The following DLG2 variants were observed in gnomAD, a reference collection of about 807,000 sequenced individuals.
DLG2 encodes discs large MAGUK scaffold protein 2, also known as disks large homolog 2.
Under a neutral mutation model 132.5 loss-of-function variants are expected in DLG2, and 45 were observed. The observed-to-expected ratio is 0.34, with a 90% confidence interval of 0.27 to 0.44. The LOEUF is 0.44. Among genes scored for constraint, DLG2 ranks in the 20% least tolerant of loss-of-function variants. The pLI, the probability that DLG2 is intolerant of heterozygous loss-of-function variation, is 1.00. For missense variants in DLG2, 1,045 were observed against 1,196.9 expected (o/e 0.87, Z 1.87); for synonymous variants, 424 against 419.6 (o/e 1.01, Z -0.13).
chr11:83,832,747 T>C (rs2054925803), intron 17 of DLG2, among the ~76,000 whole-genome samples: 1 of 152,096 alleles, frequency 6.6e-6, no homozygotes, highest in African/African-American at 2.4e-5. Context: ...CCGCCAAATC[T>C]AAAATAAAAG....
At chr11:84,488,387 G>A (rs574697783) in intron 7 of DLG2, among the ~76,000 whole-genome samples, 2 of 152,100 alleles carry the variant, frequency 1.3e-5, no homozygotes, top group Non-Finnish European at 2.9e-5. Context: ...AATTGGGGAA[G>A]GCCTTAGTTG....
intron 6 of DLG2, among the ~76,000 whole-genome samples, chr11:84,723,699 C>A (rs965913880): frequency 1.3e-5 from 2 of 152,052 alleles, no homozygotes; most frequent in Non-Finnish European, 2.9e-5. Context: ...TGGGGGTGTA[C>A]TGCAATATTT....
intron 6 of DLG2, among the ~76,000 whole-genome samples, chr11:84,814,506 C>G (rs1205923130): frequency 5.3e-5 from 8 of 152,038 alleles, no homozygotes; most frequent in Non-Finnish European, 1.0e-4. Context: ...AGAGTCTAGG[C>G]CTTCCCTGAC....
At chr11:85,352,246 G>A (rs2083349083) in intron 3 of DLG2, among the ~76,000 whole-genome samples, 1 of 152,044 alleles carries the variant, frequency 6.6e-6, no homozygotes, top group African/African-American at 2.4e-5. Context: ...CTGTGGGATT[G>A]GTGGTGATAT....
intron 3 of DLG2, among the ~76,000 whole-genome samples, chr11:85,434,350 C>G (rs143028189): frequency 1.3e-5 from 2 of 148,426 alleles, no homozygotes; most frequent in Non-Finnish European, 3.0e-5. Flanking sequence ...GATAGAGACA[C>G]GAAAAACCCT....
intron 4 of DLG2, among the ~76,000 whole-genome samples, chr11:85,220,248 T>C (rs955680292): frequency 1.3e-5 from 2 of 151,976 alleles, no homozygotes; most frequent in African/African-American, 4.8e-5. Flanking sequence ...TGAATGGGGT[T>C]GGAAATGTTG....
intron 6 of DLG2, among the ~76,000 whole-genome samples, chr11:85,108,644 T>C (rs1411875003): frequency 1.3e-5 from 2 of 152,040 alleles, no homozygotes; most frequent in Non-Finnish European, 2.9e-5. Flanking sequence ...CAGTCAGATA[T>C]TTGAAATAGA....
intron 18 of DLG2, among the ~76,000 whole-genome samples, chr11:83,733,412 C>T (rs2091377695): frequency 6.6e-6 from 1 of 152,084 alleles, no homozygotes; most frequent in Admixed American, 6.6e-5. Context: ...TATCACATCA[C>T]TGAAAAAGCA....
At chr11:83,941,212 A>G (rs2082579548) in intron 14 of DLG2, among the ~76,000 whole-genome samples, 1 of 152,106 alleles carries the variant, frequency 6.6e-6, no homozygotes, top group Non-Finnish European at 1.5e-5. Flanking sequence ...TTTAAGTTCA[A>G]ATTTAACTGG....
At chr11:83,568,048 A>T (rs1252957546) in intron 19 of DLG2, among the ~76,000 whole-genome samples, 4 of 152,156 alleles carry the variant, frequency 2.6e-5, no homozygotes, top group Admixed American at 2.6e-4. Context: ...CAGACAGGTA[A>T]GCATTTTCAA....
intron 6 of DLG2, among the ~76,000 whole-genome samples, chr11:84,815,047 C>A (rs1566036961): frequency 6.6e-6 from 1 of 151,968 alleles, no homozygotes; most frequent in Non-Finnish European, 1.5e-5. Context: ...GGAACCAGCA[C>A]CAGAGGCAAA....
intron 4 of DLG2, among the ~76,000 whole-genome samples, chr11:85,270,430 C>T (rs1373592975): frequency 6.6e-6 from 1 of 152,180 alleles, no homozygotes; most frequent in African/African-American, 2.4e-5. Context: ...GTGTCTGGTA[C>T]ATCTTTATCA....
rs1591364143 is a variant in DLG2, at chr11:83,469,362, G to A, written c.2458C>T (p.Pro820Ser). 2 of 1,609,490 alleles carry A rather than the reference G, an allele frequency of 1.2e-6. No homozygotes were observed. Among genetic ancestry groups the A allele is most frequent in the African/African-American group, 2.7e-5 (2 of 74,594 alleles). The part of the protein sequence containing the change: ...FGSCVPHTTR[P>S]KRDYEVDGRD... ...CCATCCACCTCGTAGTCTCGCTTTGGCCTCGTAGTATCTTTATAAAACAAA... is the reference window on the plus strand; with the variant it reads ...CCATCCACCTCGTAGTCTCGCTTTGACCTCGTAGTATCTTTATAAAACAAA... The change falls in exon 25 of 28, where the codon CCA becomes TCA. Residue 820 changes from proline to serine, a missense_variant. Coordinates refer to ENST00000376104, the MANE Select transcript of DLG2 (RefSeq NM_001142699.3).
At chr11:85,536,092 C>T (rs1377931965) in intron 3 of DLG2, among the ~76,000 whole-genome samples, 1 of 151,594 alleles carries the variant, frequency 6.6e-6, no homozygotes, top group Non-Finnish European at 1.5e-5. Context: ...TGGCACACAC[C>T]TGTAGTCCAG....
chr11:83,970,505 G>A (rs34949067), intron 12 of DLG2, among the ~76,000 whole-genome samples: 6,460 of 152,304 alleles, frequency 0.042, 197 homozygotes, highest in Non-Finnish European at 0.067. Flanking sequence ...TTCAGTCACA[G>A]AACAGGTGGT....
At chr11:84,350,417 A>T (rs1413459312) in intron 7 of DLG2, among the ~76,000 whole-genome samples, 1 of 152,176 alleles carries the variant, frequency 6.6e-6, no homozygotes, top group African/African-American at 2.4e-5. Flanking sequence ...TCTACAGCAT[A>T]GAGCTTTGAG....
At chr11:84,027,486 A>T (rs956476955) in intron 11 of DLG2, among the ~76,000 whole-genome samples, 9 of 146,240 alleles carry the variant, frequency 6.2e-5, no homozygotes, top group South Asian at 4.2e-4. Flanking sequence ...AGACAAATTT[A>T]AAAAAAAATT....
chr11:85,607,222 G>C (rs559847883), intron 2 of DLG2, among the ~76,000 whole-genome samples: 3 of 152,208 alleles, frequency 2.0e-5, no homozygotes, highest in African/African-American at 7.2e-5. Flanking sequence ...AAAGACACGG[G>C]TGTCAGGCTT....
intron 14 of DLG2, among the ~76,000 whole-genome samples, chr11:83,948,612 T>C (rs1224508718): frequency 3.5e-5 from 1 of 28,850 alleles, no homozygotes; most frequent in South Asian, 1.3e-3. Flanking sequence ...TATGTAGTAC[T>C]GGAAAAAAAA....
Sources: allele counts gnomAD v4.1 joint callset (sites outside exome capture counted in the v4.1 genomes callset), GRCh38; gene constraint gnomAD v4.1.1; transcripts MANE v1.5; gene names NCBI Gene and HGNC (gene_info 2026-07-23, HGNC 2026-07-21).